The following PHF14 variants were observed in gnomAD, a reference collection of about 807,000 sequenced individuals.
PHF14 encodes PHD finger protein 14.
Under a neutral mutation model 117.9 loss-of-function variants are expected in PHF14, and 55 were observed. The ratio of observed to expected loss-of-function variants is 0.47; its 90% confidence interval spans 0.38 to 0.58. PHF14 has a LOEUF of 0.58. PHF14 is among the 20% of genes least tolerant of loss of function. PHF14 has a pLI of 0.00. For synonymous variants in PHF14, 409 were observed against 368.6 expected, an observed-to-expected ratio of 1.11 and a Z score of -1.26; for missense variants, 978 against 1,122.2, an observed-to-expected ratio of 0.87 and a Z score of 1.84.
chr7:11,104,246 C>T (rs1787183166), intron 16 of PHF14: 1 of 983,936 alleles, frequency 1.0e-6, no homozygotes, highest in Non-Finnish European at 1.2e-6. Context: ...GGTGGATATT[C>T]TATTCCACAT....
intron 16 of PHF14, among the ~76,000 whole-genome samples, chr7:11,087,695 T>G (rs1786472394): frequency 6.6e-6 from 1 of 152,216 alleles, no homozygotes; most frequent in East Asian, 1.9e-4. Context: ...TCTTCTCACT[T>G]AATAATCTCT....
chr7:11,014,709 C>T (rs748445931), intron 5 of PHF14, among the ~76,000 whole-genome samples: 14 of 152,158 alleles, frequency 9.2e-5, no homozygotes, highest in Non-Finnish European at 1.2e-4. Flanking sequence ...TAGTGTTATG[C>T]TCACTCTGAG....
intron 4 of PHF14, among the ~76,000 whole-genome samples, chr7:11,008,104 G>A (rs995826500): frequency 6.6e-6 from 1 of 152,192 alleles, no homozygotes; most frequent in African/African-American, 2.4e-5. Flanking sequence ...GTACTTGACA[G>A]AAGTTAGGTA....
intron 2 of PHF14, among the ~76,000 whole-genome samples, chr7:10,978,356 C>G (rs1781939218): frequency 6.6e-6 from 1 of 152,066 alleles, no homozygotes; most frequent in East Asian, 1.9e-4. Context: ...TTGTGTAGTT[C>G]AAGTCTTTAA....
intron 13 of PHF14, among the ~76,000 whole-genome samples, chr7:11,044,036 A>G (rs545076125): frequency 4.9e-4 from 74 of 152,044 alleles, no homozygotes; most frequent in African/African-American, 1.7e-3. Flanking sequence ...CTTTGTAGCA[A>G]CAAGGAGGCA....
chr7:11,041,200 T>C (rs56799320), intron 12 of PHF14, among the ~76,000 whole-genome samples: 1,991 of 152,130 alleles, frequency 0.013, 43 homozygotes, highest in African/African-American at 0.046. Flanking sequence ...AGATAAGTTT[T>C]AGTTTTGAGT....
At chr7:11,015,007 G>C (rs1229934415) in intron 5 of PHF14, 1 of 56,538 alleles carries the variant, frequency 1.8e-5, no homozygotes, top group African/African-American at 7.1e-5. Flanking sequence ...AATATAAGAG[G>C]GGGGGTGGGT....
intron 7 of PHF14, among the ~76,000 whole-genome samples, chr7:11,034,670 T>C (rs1053162241): frequency 1.4e-5 from 2 of 146,902 alleles, no homozygotes; most frequent in African/African-American, 2.5e-5. Context: ...TACCTCAGCC[T>C]CCTGAGTAGC....
In PHF14 at chr7:11,133,176, A is replaced by G. The variant is rs112593541; in HGVS notation, c.2772+21709A>G. On this transcript the variant is annotated intron_variant, in intron 17 of 17. Transcript: ENST00000634607. ...TGCAATCCCAATCGAACTCTCAGCA[A>G]GTTATTTTGTGGATTTTGACAAACT... 5.4e-3 allele frequency among the ~76,000 whole-genome samples: 821 copies of G among 152,052 alleles called. 8 individuals carry two copies. The highest frequency in any genetic ancestry group is 0.019 in the African/African-American group (794 of 41,542).
intron 17 of PHF14, among the ~76,000 whole-genome samples, chr7:11,134,181 G>C (rs190584522): frequency 1.3e-5 from 2 of 151,962 alleles, no homozygotes; most frequent in African/African-American, 4.8e-5. Flanking sequence ...TTTACAGTAG[G>C]CTTGTAGAAT....
intron 17 of PHF14, among the ~76,000 whole-genome samples, chr7:11,155,311 C>T (rs898503023): frequency 6.6e-6 from 1 of 152,102 alleles, no homozygotes; most frequent in African/African-American, 2.4e-5. Flanking sequence ...GACAACAAAG[C>T]CCAAATTTCC....
At chr7:11,029,429 A>G (rs1784044183) in intron 7 of PHF14, among the ~76,000 whole-genome samples, 1 of 152,178 alleles carries the variant, frequency 6.6e-6, no homozygotes, top group South Asian at 2.1e-4. Flanking sequence ...ACTTCCAGAG[A>G]TTACATACAG....
At chr7:11,107,220 G>T (rs959355356) in intron 16 of PHF14, 60 of 983,332 alleles carry the variant, frequency 6.1e-5, no homozygotes, top group Non-Finnish European at 7.0e-5. Context: ...CAATAGTCAG[G>T]TAAACACCTG....
chr7:11,113,168 A>G (rs181908547), intron 17 of PHF14, among the ~76,000 whole-genome samples: 22 of 152,082 alleles, frequency 1.4e-4, no homozygotes, highest in Admixed American at 2.6e-4. Flanking sequence ...TTTTGCATAT[A>G]TTCTTTTGAG....
intron 16 of PHF14, among the ~76,000 whole-genome samples, chr7:11,096,459 G>A (rs1332189192): frequency 2.6e-5 from 4 of 151,948 alleles, no homozygotes; most frequent in East Asian, 1.9e-4. Context: ...TGTTCTTATC[G>A]TAAAGTTTTT....
At chr7:11,020,241 AC>A (rs1052634598) in intron 5 of PHF14, among the ~76,000 whole-genome samples, 8 of 151,968 alleles carry the variant, frequency 5.3e-5, no homozygotes, top group African/African-American at 1.5e-4. Context: ...GGTGTGCGCC[AC>A]CACACCAGGC....
chr7:11,149,146 C>T (rs1258791808), intron 17 of PHF14, among the ~76,000 whole-genome samples: 1 of 152,026 alleles, frequency 6.6e-6, no homozygotes, highest in Non-Finnish European at 1.5e-5. Context: ...GACACCAAAG[C>T]CTGTGCATTT....
At chr7:11,089,998 T>G (rs891731076) in intron 16 of PHF14, among the ~76,000 whole-genome samples, 1 of 152,222 alleles carries the variant, frequency 6.6e-6, no homozygotes, top group African/African-American at 2.4e-5. Context: ...CTCGAACTCC[T>G]GACCTCAGGT....
intron 17 of PHF14, among the ~76,000 whole-genome samples, chr7:11,116,898 AT>A (rs1281426396): frequency 2.6e-5 from 4 of 151,940 alleles, no homozygotes; most frequent in Non-Finnish European, 4.4e-5. Context: ...ACAAATTGAC[AT>A]TTTAATATTA....
Sources: allele counts gnomAD v4.1 joint callset (sites outside exome capture counted in the v4.1 genomes callset), GRCh38; gene constraint gnomAD v4.1.1; transcripts MANE v1.5; gene names NCBI Gene and HGNC (gene_info 2026-07-23, HGNC 2026-07-21).